The following ACVR1 variants were observed in gnomAD, a reference collection of about 807,000 sequenced individuals.
ACVR1 encodes activin A receptor type 1.
ACVR1 carries 38 observed loss-of-function variants against 57.1 expected under a neutral mutation model. The ratio of observed to expected loss-of-function variants is 0.67; its 90% CI spans 0.51 to 0.87. The LOEUF (loss-of-function observed/expected upper bound fraction) is 0.87. Among genes scored for constraint, ACVR1 ranks in the 40% least tolerant of loss-of-function variants. ACVR1 has a pLI of 0.00. For missense variants in ACVR1, 463 were observed against 638.2 expected, an observed-to-expected ratio of 0.73 and a Z score of 2.96; for synonymous variants, 212 against 228.1, an observed-to-expected ratio of 0.93 and a Z score of 0.63.
intron 1 of ACVR1, among the ~76,000 whole-genome samples, chr2:157,822,485 T>C (rs1688193538): frequency 6.6e-6 from 1 of 152,210 alleles, no homozygotes; most frequent in South Asian, 2.1e-4. Flanking sequence ...AAATGGGAAT[T>C]TCCAGGAATT....
intron 3 of ACVR1, among the ~76,000 whole-genome samples, chr2:157,795,834 C>T (rs1687094048): frequency 6.6e-6 from 1 of 152,126 alleles, no homozygotes. Flanking sequence ...ACCTCTCCTT[C>T]TCTCCTCATA....
chr2:157,812,120 A>AAACGGGCCTAGAAATAAGG (rs1474500316), intron 2 of ACVR1, among the ~76,000 whole-genome samples: 3 of 152,242 alleles, frequency 2.0e-5, no homozygotes, highest in African/African-American at 4.8e-5. Flanking sequence ...TCGGTCCACT[A>AAACGGGCCTAGAAATAAGG]AACGGGCCTA....
chr2:157,772,049 T>C (rs1168859627), intron 6 of ACVR1, among the ~76,000 whole-genome samples: 1 of 152,200 alleles, frequency 6.6e-6, no homozygotes, highest in Non-Finnish European at 1.5e-5. Context: ...CCCAGGGAAT[T>C]ATGGATACAA....
At chr2:157,857,561 C>G (rs919103187) in intron 1 of ACVR1, among the ~76,000 whole-genome samples, 1 of 152,052 alleles carries the variant, frequency 6.6e-6, no homozygotes, top group African/African-American at 2.4e-5. Context: ...TTTTTTCTCC[C>G]TGTAAAATAA....
At chr2:157,770,096 T>C (rs1169690158) in intron 7 of ACVR1, among the ~76,000 whole-genome samples, 2 of 152,168 alleles carry the variant, frequency 1.3e-5, no homozygotes, top group Non-Finnish European at 2.9e-5. Context: ...ATGGGGCAAA[T>C]TTTTGTTATT....
intron 1 of ACVR1, among the ~76,000 whole-genome samples, chr2:157,843,171 T>G (rs1169954662): frequency 1.3e-5 from 2 of 152,236 alleles, no homozygotes; most frequent in East Asian, 3.8e-4. Context: ...CTTTTATTCA[T>G]GTCATTTGTC....
At chr2:157,739,621 C>T (rs996750909) in intron 9 of ACVR1, among the ~76,000 whole-genome samples, 17 of 151,834 alleles carry the variant, frequency 1.1e-4, no homozygotes, top group Admixed American at 5.2e-4. Context: ...TTGTTGGAGG[C>T]GACAGAAGGA....
intron 1 of ACVR1, among the ~76,000 whole-genome samples, chr2:157,822,731 C>T (rs1341333179): frequency 1.1e-4 from 17 of 152,192 alleles, no homozygotes; most frequent in Admixed American, 1.1e-3. Flanking sequence ...AACAGGCACA[C>T]TTGTTCATTT....
intron 2 of ACVR1, among the ~76,000 whole-genome samples, chr2:157,814,570 A>G (rs897521045): frequency 6.6e-6 from 1 of 152,248 alleles, no homozygotes; most frequent in Non-Finnish European, 1.5e-5. Flanking sequence ...GCAACTTGGC[A>G]ATAAATTTCT....
intron 8 of ACVR1, among the ~76,000 whole-genome samples, chr2:157,763,943 T>C (rs1685759418): frequency 6.6e-6 from 1 of 152,130 alleles, no homozygotes; most frequent in Non-Finnish European, 1.5e-5. Context: ...AGAAATGTAG[T>C]TGAAGAATTA....
chr2:157,838,597 C>T (rs1688871959), intron 1 of ACVR1, among the ~76,000 whole-genome samples: 1 of 152,170 alleles, frequency 6.6e-6, no homozygotes, highest in South Asian at 2.1e-4. Context: ...CTGTAACAGA[C>T]AGCTGTCTCC....
intron 2 of ACVR1, among the ~76,000 whole-genome samples, chr2:157,800,741 G>C (rs1687292699): frequency 6.6e-6 from 1 of 152,046 alleles, no homozygotes; most frequent in Non-Finnish European, 1.5e-5. Context: ...TGTTCACATA[G>C]ATCTTTCCTA....
At chr2:157,750,026 C>A (rs1218356486) in intron 9 of ACVR1, among the ~76,000 whole-genome samples, 1 of 152,178 alleles carries the variant, frequency 6.6e-6, no homozygotes, top group African/African-American at 2.4e-5. Context: ...TGAGGATGAG[C>A]CCGCCCAGCC....
chr2:157,808,937 A>G (rs891557882), intron 2 of ACVR1, among the ~76,000 whole-genome samples: 4 of 151,934 alleles, frequency 2.6e-5, no homozygotes, highest in African/African-American at 9.7e-5. Context: ...TTATCTTTTC[A>G]GGAGGCTTCA....
At chr2:157,799,376 A>AAT (rs940383958) in intron 3 of ACVR1, 51 bp downstream of exon 3, 12 of 1,443,504 alleles carry the variant, frequency 8.3e-6, no homozygotes, top group African/African-American at 1.4e-5. Flanking sequence ...TAAGCCAAAA[A>AAT]AAAAAATCAC....
chr2:157,836,350 T>C (rs1447280436), intron 1 of ACVR1, among the ~76,000 whole-genome samples: 1 of 152,240 alleles, frequency 6.6e-6, no homozygotes, highest in Non-Finnish European at 1.5e-5. Flanking sequence ...GGCCACTTGG[T>C]GTGGCCTGAG....
intron 1 of ACVR1, among the ~76,000 whole-genome samples, chr2:157,824,832 C>T (rs1688283586): frequency 6.6e-6 from 1 of 152,082 alleles, no homozygotes; most frequent in Non-Finnish European, 1.5e-5. Flanking sequence ...CCACTCACTG[C>T]AATCTCCACC....
At chr2:157,858,535 A>C (rs1201196641) in intron 1 of ACVR1, among the ~76,000 whole-genome samples, 1 of 152,080 alleles carries the variant, frequency 6.6e-6, no homozygotes, top group African/African-American at 2.4e-5. Flanking sequence ...GCAGTGGCGC[A>C]ACCTTGGCTC....
intron 9 of ACVR1, among the ~76,000 whole-genome samples, chr2:157,743,958 G>A (rs1684870217): frequency 6.6e-6 from 1 of 152,160 alleles, no homozygotes; most frequent in Non-Finnish European, 1.5e-5. Flanking sequence ...AAAAGAAATT[G>A]AGGGTCACAT....
Sources: gnomAD v4.1 joint callset for allele counts (sites outside exome capture counted in the v4.1 genomes callset) on GRCh38, gnomAD v4.1.1 for gene constraint, MANE v1.5 for transcripts, NCBI Gene and HGNC (gene_info 2026-07-23, HGNC 2026-07-21) for gene names.